FREM1: variants seen among roughly 807,000 people sequenced by gnomAD.
FREM1 encodes FRAS1-related extracellular matrix protein 1.
A neutral mutation model predicts 210.1 loss-of-function variants in FREM1; 220 were observed. That is an observed-to-expected ratio of 1.05 (90% CI 0.94 to 1.17). The LOEUF (loss-of-function observed/expected upper bound fraction) is 1.17, where lower values mean the gene tolerates loss of function less well. FREM1 is among the 50% of genes most tolerant of loss of function. FREM1 has a pLI of 0.00. For synonymous variants in FREM1, 1,189 were observed against 980.2 expected (o/e 1.21, Z -3.98); for missense variants, 3,454 against 2,675.5 (o/e 1.29, Z -6.42).
At chr9:14,760,240 T>G (rs1394084805) in intron 27 of FREM1, among the ~76,000 whole-genome samples, 2 of 152,212 alleles carry the variant, frequency 1.3e-5, no homozygotes, top group Admixed American at 1.3e-4. Flanking sequence ...AACCAGCAGT[T>G]GTTAAGTTCA....
intron 1 of FREM1, among the ~76,000 whole-genome samples, chr9:14,901,932 G>A (rs1838857895): frequency 1.3e-5 from 2 of 151,988 alleles, no homozygotes; most frequent in African/African-American, 4.8e-5. Context: ...GATCACTGCA[G>A]CCTTGACCAC....
intron 10 of FREM1, among the ~76,000 whole-genome samples, chr9:14,827,190 C>T (rs1264980351): frequency 6.6e-6 from 1 of 152,166 alleles, no homozygotes; most frequent in African/African-American, 2.4e-5. Flanking sequence ...GAACCTCAAT[C>T]TTCTTAGAGA....
chr9:14,759,094 C>G (rs1420004999), intron 28 of FREM1, among the ~76,000 whole-genome samples: 1 of 152,170 alleles, frequency 6.6e-6, no homozygotes, highest in African/African-American at 2.4e-5. Flanking sequence ...ACATCTCTTT[C>G]TAAAGCAGAG....
intron 10 of FREM1, among the ~76,000 whole-genome samples, chr9:14,828,170 G>A (rs1822837574): frequency 6.6e-6 from 1 of 152,180 alleles, no homozygotes; most frequent in South Asian, 2.1e-4. Context: ...GCCAACCTCT[G>A]ACAGCTGTTG....
At chr9:14,886,458 A>G (rs1310820247) in intron 1 of FREM1, among the ~76,000 whole-genome samples, 2 of 152,032 alleles carry the variant, frequency 1.3e-5, no homozygotes, top group Non-Finnish European at 2.9e-5. Flanking sequence ...TTAACTGAAA[A>G]TAGCCACTTC....
intron 1 of FREM1, among the ~76,000 whole-genome samples, chr9:14,888,040 C>T (rs545224754): frequency 2.6e-5 from 4 of 152,116 alleles, no homozygotes; most frequent in East Asian, 1.9e-4. Context: ...TCAAGTGATC[C>T]GCCCTCCTCA....
intron 13 of FREM1, among the ~76,000 whole-genome samples, chr9:14,821,077 GC>G (rs1293476585): frequency 6.6e-6 from 1 of 152,078 alleles, no homozygotes; most frequent in Non-Finnish European, 1.5e-5. Context: ...TTTAATTCTT[GC>G]CCAGATCCAG....
chr9:14,801,330 CA>C (rs1169985394), intron 20 of FREM1, among the ~76,000 whole-genome samples: 1 of 152,192 alleles, frequency 6.6e-6, no homozygotes, highest in Non-Finnish European at 1.5e-5. Context: ...AGCTAATTAA[CA>C]TATGCATTAC....
chr9:14,876,674 C>T (rs186600069), intron 1 of FREM1, among the ~76,000 whole-genome samples: 70 of 152,266 alleles, frequency 4.6e-4, no homozygotes, highest in Admixed American at 2.5e-3. Flanking sequence ...AAGCACAGTG[C>T]GCTGCACCCA....
intron 20 of FREM1, among the ~76,000 whole-genome samples, chr9:14,798,514 C>G (rs1239334816): frequency 4.6e-5 from 7 of 152,028 alleles, no homozygotes; most frequent in African/African-American, 1.7e-4. Flanking sequence ...GAGGCTCAGG[C>G]AGGGAGGAAT....
At chr9:14,826,146 G>A (rs1337342656) in intron 10 of FREM1, among the ~76,000 whole-genome samples, 7 of 146,566 alleles carry the variant, frequency 4.8e-5, no homozygotes, top group African/African-American at 1.3e-4. Flanking sequence ...AGGCTGGAGT[G>A]CAGTGGTGCG....
At chr9:14,894,185 G>A (rs900709371) in intron 1 of FREM1, among the ~76,000 whole-genome samples, 38 of 152,210 alleles carry the variant, frequency 2.5e-4, no homozygotes, top group African/African-American at 8.9e-4. Context: ...CTTTCTTAGG[G>A]CTGTATTTAT....
At chr9:14,791,219 C>A (rs1431875184) in intron 22 of FREM1, 1 of 152,172 alleles carries the variant, frequency 6.6e-6, no homozygotes, top group Non-Finnish European at 1.5e-5. Context: ...GGGCATCATG[C>A]ACACAGTCTG....
At chr9:14,862,424 C>G (rs1033118630) in intron 3 of FREM1, among the ~76,000 whole-genome samples, 1 of 152,178 alleles carries the variant, frequency 6.6e-6, no homozygotes, top group South Asian at 2.1e-4. Flanking sequence ...AAGGCCTACT[C>G]CACATACATC....
rs71323911 is a variant in FREM1, at chr9:14,775,731, A to AAAAAAAAAAG, written c.4857+57_4857+58insCTTTTTTTTT. The AAAAAAAAAAG allele has an allele frequency of 9.1e-6, 4 of 437,430 alleles. 1 individual carries two copies. Among genetic ancestry groups the AAAAAAAAAAG allele is most frequent in the Non-Finnish European group, 1.6e-5 (4 of 254,112 alleles). 27.1% of individuals were successfully genotyped at this position (437,430 alleles called of 1,614,324 possible). A position where few individuals can be genotyped will look rare whatever the true frequency, so the allele number is the denominator to read the frequency against. On this transcript the variant is annotated intron_variant, in intron 25 of 36. Coordinates refer to ENST00000380880, the MANE Select transcript of FREM1 (RefSeq NM_001379081.2). ...TCAAAAAAAAAAAAAAAAAAAAAAA[A>AAAAAAAAAAG]TTCTCGATGTCACTGTTTTCACATC...
At chr9:14,905,356 G>A (rs1225378041) in intron 1 of FREM1, among the ~76,000 whole-genome samples, 1 of 152,174 alleles carries the variant, frequency 6.6e-6, no homozygotes, top group African/African-American at 2.4e-5. Flanking sequence ...TACAGTGCAA[G>A]CCCAGAGTTT....
intron 22 of FREM1, among the ~76,000 whole-genome samples, chr9:14,792,272 GCACACACA>G (rs34037291): frequency 2.5e-4 from 36 of 142,330 alleles, no homozygotes; most frequent in Middle Eastern, 3.5e-3. Flanking sequence ...ACACACACAC[GCACACACA>G]CACACACACA....
At chr9:14,779,532 C>T (rs923919) in intron 24 of FREM1, 1 of 980,522 alleles carries the variant, frequency 1.0e-6, no homozygotes, top group African/African-American at 1.8e-5. Flanking sequence ...TCCCTGCAGA[C>T]TGAATTGCAA....
intron 13 of FREM1, 57 bp from the exon 14 acceptor site, chr9:14,819,499 A>T: frequency 9.6e-7 from 1 of 1,041,152 alleles, no homozygotes; most frequent in Non-Finnish European, 1.5e-6. Context: ...CCCTGAAGAC[A>T]GAGCTCATTA....
Sources: allele counts gnomAD v4.1 joint callset (sites outside exome capture counted in the v4.1 genomes callset), GRCh38; gene constraint gnomAD v4.1.1; transcripts MANE v1.5; gene names NCBI Gene and HGNC (gene_info 2026-07-23, HGNC 2026-07-21).